The following RYR3 variants were observed in gnomAD, a reference collection of about 807,000 sequenced individuals.
The protein encoded by RYR3 is brain ryanodine receptor-calcium release channel.
A neutral mutation model predicts 584.3 loss-of-function variants in RYR3; 207 were observed. That is an observed-to-expected ratio of 0.35 (90% CI 0.32 to 0.40). The LOEUF (loss-of-function observed/expected upper bound fraction) is 0.40. RYR3 is among the 10% of genes least tolerant of loss of function. The pLI is 1.00. For synonymous variants in RYR3, 2,416 were observed against 2,248.5 expected (o/e 1.07, Z -2.11); for missense variants, 5,616 against 6,089.2 (o/e 0.92, Z 2.59).
At position 33,646,634 on chromosome 15, in the gene RYR3, C is replaced by G. The variant is rs1232903669; in HGVS notation, c.3941+108C>G. 2 of 1,005,362 alleles carry G rather than the reference C, an allele frequency of 2.0e-6. 1 individual carries two copies. The highest frequency in any genetic ancestry group is 3.3e-5 in the South Asian group (2 of 60,396). 62.3% of individuals were successfully genotyped at this position (1,005,362 alleles called of 1,614,324 possible). A position where few individuals can be genotyped will look rare whatever the true frequency, so the allele number is the denominator to read the frequency against. On this transcript the variant is annotated intron_variant, in intron 29 of 103. Coordinates refer to ENST00000634891, the MANE Select transcript of RYR3 (RefSeq NM_001036.6). ...ATAGGAACTCCACTGATAGGGTTCT[C>G]TCTGCTTTCAGTCAGGTAAAAAAGA... is the stretch of plus-strand genomic sequence containing the variant.
chr15:33,422,889 A>G (rs1191751512), intron 1 of RYR3, among the ~76,000 whole-genome samples: 3 of 152,220 alleles, frequency 2.0e-5, no homozygotes, highest in Non-Finnish European at 4.4e-5. Flanking sequence ...TGCATTTGAC[A>G]TAGACCTAAA....
rs145214465 is a variant in RYR3, at chr15:33,706,192, G to A, written c.6484-727G>A. Among the ~76,000 whole-genome samples, 774 of 151,366 alleles carry A rather than the reference G, an allele frequency of 5.1e-3. 8 individuals carry two copies. The highest frequency in any genetic ancestry group is 0.017 in the African/African-American group (717 of 41,366). ...CTTTCTTTGTTTGTTTCTTACATAC[G>A]TGTAAGATTTATTTTTAAATTTTAT... On this transcript the variant is annotated intron_variant, in intron 42 of 103. Transcript: ENST00000634891.
At chr15:33,534,924 T>C (rs1402767608) in intron 5 of RYR3, among the ~76,000 whole-genome samples, 1 of 152,208 alleles carries the variant, frequency 6.6e-6, no homozygotes. Context: ...CCAAACAGGA[T>C]TCTTTGTTGC....
intron 36 of RYR3, among the ~76,000 whole-genome samples, chr15:33,664,614 T>TATATATATATATATATATACAC (rs1491296584): frequency 1.2e-4 from 14 of 120,556 alleles, no homozygotes; most frequent in African/African-American, 2.7e-4. Flanking sequence ...TATATATATA[T>TATATATATATATATATATACAC]ACGTATGTAT....
chr15:33,404,240 G>A (rs944460448), intron 1 of RYR3, among the ~76,000 whole-genome samples: 10 of 152,208 alleles, frequency 6.6e-5, no homozygotes, highest in Admixed American at 5.2e-4. Flanking sequence ...TCTTGGTGAT[G>A]TTTAGAGGGA....
At chr15:33,466,217 G>A (rs1246057630) in intron 1 of RYR3, among the ~76,000 whole-genome samples, 1 of 152,114 alleles carries the variant, frequency 6.6e-6, no homozygotes, top group Non-Finnish European at 1.5e-5. Context: ...AGAACTCTGA[G>A]GACTGGTCCT....
At chr15:33,598,108 CAAATTAAACATA>C (rs747863829) in intron 16 of RYR3, among the ~76,000 whole-genome samples, 14 of 149,666 alleles carry the variant, frequency 9.4e-5, no homozygotes, top group Non-Finnish European at 1.8e-4. Context: ...TTTCTTGAGC[CAAATTAAACATA>C]AAATTAAACT....
At chr15:33,780,926 C>G (rs186842509) in intron 65 of RYR3, among the ~76,000 whole-genome samples, 35 of 152,298 alleles carry the variant, frequency 2.3e-4, no homozygotes, top group Non-Finnish European at 3.5e-4. Flanking sequence ...AATTTGGCCC[C>G]CTGCCTATTT....
At chr15:33,612,368 T>C (rs2060238952) in intron 18 of RYR3, among the ~76,000 whole-genome samples, 1 of 152,218 alleles carries the variant, frequency 6.6e-6, no homozygotes, top group Non-Finnish European at 1.5e-5. Flanking sequence ...TTTTTGTTTG[T>C]TTGTTTTTTG....
At chr15:33,348,852 C>T (rs981359548) in intron 1 of RYR3, among the ~76,000 whole-genome samples, 113 of 152,124 alleles carry the variant, frequency 7.4e-4, no homozygotes, top group African/African-American at 2.6e-3. Context: ...CCAGATGTGT[C>T]GTGTCATGTA....
intron 7 of RYR3, among the ~76,000 whole-genome samples, chr15:33,541,975 T>G (rs2055859250): frequency 1.3e-5 from 2 of 152,126 alleles, no homozygotes; most frequent in Non-Finnish European, 2.9e-5. Flanking sequence ...ATTTTTTATT[T>G]TCACCATAGG....
intron 80 of RYR3, among the ~76,000 whole-genome samples, chr15:33,822,325 C>T (rs958967831): frequency 6.6e-6 from 1 of 152,138 alleles, no homozygotes; most frequent in African/African-American, 2.4e-5. Context: ...CAAACAGACC[C>T]TTGGCATTCA....
intron 2 of RYR3, among the ~76,000 whole-genome samples, chr15:33,488,656 T>A (rs1033512399): frequency 6.6e-6 from 1 of 152,004 alleles, no homozygotes; most frequent in Non-Finnish European, 1.5e-5. Flanking sequence ...ATCGAGACCA[T>A]CCTGGCCAAC....
chr15:33,496,779 G>C (rs1211982722), intron 2 of RYR3, among the ~76,000 whole-genome samples: 2 of 152,114 alleles, frequency 1.3e-5, no homozygotes, highest in Admixed American at 6.6e-5. Flanking sequence ...GCTCTTGCCT[G>C]GGTGTACCTG....
chr15:33,788,935 C>T (rs1447254941), intron 67 of RYR3, among the ~76,000 whole-genome samples: 1 of 151,950 alleles, frequency 6.6e-6, no homozygotes, highest in Non-Finnish European at 1.5e-5. Context: ...TTATATAGAG[C>T]GGGGTAAGGG....
At chr15:33,800,734 A>C in intron 67 of RYR3, 36 bp from the exon 68 acceptor site, 3 of 1,456,100 alleles carry the variant, frequency 2.1e-6, no homozygotes, top group Non-Finnish European at 2.9e-6. Flanking sequence ...ATCTCTACTG[A>C]ATTTCAAATG....
At chr15:33,581,784 A>G (rs1399622212) in intron 14 of RYR3, 141 bp downstream of exon 14, 3 of 722,280 alleles carry the variant, frequency 4.2e-6, no homozygotes, top group Non-Finnish European at 7.0e-6. Context: ...TTAACCATTC[A>G]ATTTTAACCC....
intron 48 of RYR3, among the ~76,000 whole-genome samples, chr15:33,735,215 T>G (rs1321069133): frequency 6.6e-6 from 1 of 152,206 alleles, no homozygotes; most frequent in Non-Finnish European, 1.5e-5. Flanking sequence ...CAATTGCTAA[T>G]TAGCTGAATA....
intron 38 of RYR3, among the ~76,000 whole-genome samples, chr15:33,674,189 GAGA>G (rs1414211839): frequency 2.6e-5 from 4 of 152,220 alleles, no homozygotes; most frequent in Non-Finnish European, 5.9e-5. Context: ...GTTTAGTGCT[GAGA>G]AGAAGAAAAC....
Sources: gnomAD v4.1 joint callset for allele counts (sites outside exome capture counted in the v4.1 genomes callset) on GRCh38, gnomAD v4.1.1 for gene constraint, MANE v1.5 for transcripts, NCBI Gene and HGNC (gene_info 2026-07-23, HGNC 2026-07-21) for gene names.